Variants in VRK3 observed in about 807,000 individuals in gnomAD.
VRK3 encodes serine/threonine-protein kinase VRK3.
VRK3 carries 50 observed loss-of-function variants against 60.4 expected under a neutral mutation model. That is an observed-to-expected ratio of 0.83 (90% CI 0.66 to 1.05). VRK3 has a LOEUF of 1.05. Among genes scored for constraint, VRK3 ranks in the 50% least tolerant of loss-of-function variants. The pLI, the probability that VRK3 is intolerant of heterozygous loss-of-function variation, is 0.00. For missense variants in VRK3, 549 were observed against 585.3 expected (o/e 0.94, Z 0.64); for synonymous variants, 246 against 227.8 (o/e 1.08, Z -0.72).
At chr19:49,981,352 CCTGG>C (rs1329576362) in intron 12 of VRK3, among the ~76,000 whole-genome samples, 4 of 152,144 alleles carry the variant, frequency 2.6e-5, no homozygotes, top group Non-Finnish European at 5.9e-5. Flanking sequence ...CCGAGATCAT[CCTGG>C]CTAACACGGT....
intron 3 of VRK3, among the ~76,000 whole-genome samples, chr19:50,012,961 A>G (rs760392564): frequency 1.3e-5 from 2 of 151,828 alleles, no homozygotes; most frequent in African/African-American, 2.4e-5. Context: ...AGGTCAGGAG[A>G]TCGAGACCAT....
chr19:50,010,632 G>C (rs1331463718), intron 3 of VRK3, among the ~76,000 whole-genome samples: 1 of 152,238 alleles, frequency 6.6e-6, no homozygotes, highest in Non-Finnish European at 1.5e-5. Flanking sequence ...CTCCAAGAAG[G>C]CTGGGCGTGG....
At chr19:50,019,798 A>G (rs2122662888) in intron 2 of VRK3, among the ~76,000 whole-genome samples, 1 of 143,086 alleles carries the variant, frequency 7.0e-6, no homozygotes, top group South Asian at 2.2e-4. Context: ...TTGGCTTCCC[A>G]AAGTGCTGGG....
intron 1 of VRK3, among the ~76,000 whole-genome samples, chr19:50,024,269 T>C (rs1194341595): frequency 2.0e-5 from 3 of 152,096 alleles, no homozygotes; most frequent in Non-Finnish European, 4.4e-5. Context: ...CTATTACATA[T>C]TACAACACCG....
intron 14 of VRK3, among the ~76,000 whole-genome samples, chr19:49,977,949 C>T (rs1400518318): frequency 6.6e-6 from 1 of 152,198 alleles, no homozygotes; most frequent in African/African-American, 2.4e-5. Flanking sequence ...GCTCAGGTTT[C>T]AGCCTCAGAT....
intron 14 of VRK3, chr19:49,978,845 C>T (rs1285242815): frequency 4.9e-6 from 2 of 409,366 alleles, no homozygotes; most frequent in South Asian, 5.4e-5. Flanking sequence ...AATTTTCTAG[C>T]TACAACAGCC....
Position 49,995,298 on chromosome 19 carries a change from G to A in VRK3, c.680-23C>T, listed in dbSNP as rs9304699. On this transcript the variant is annotated intron_variant, in intron 7 of 14. Transcript: ENST00000316763. ...TGACTGCGGAAAGCAGGGGCTTGAG[G>A]TTAGAACCCACCCAGTCCCAAGCCC... 15,919 of 1,611,618 alleles carry A rather than the reference G, an allele frequency of 9.9e-3. 1,369 individuals carry two copies. In the African/African-American group the frequency reaches 0.19, roughly 19 times the overall value.
chr19:49,982,261 AACAC>A, intron 12 of VRK3: 1 of 701,416 alleles, frequency 1.4e-6, no homozygotes, highest in Non-Finnish European at 2.6e-6. Context: ...AAGCTGATAA[AACAC>A]ACGAATTATT....
intron 4 of VRK3, among the ~76,000 whole-genome samples, chr19:50,008,095 TACAG>T (rs1311848872): frequency 6.6e-6 from 1 of 152,004 alleles, no homozygotes; most frequent in Admixed American, 6.6e-5. Flanking sequence ...GACAGGGCAG[TACAG>T]ACAGATATTA....
intron 1 of VRK3, among the ~76,000 whole-genome samples, chr19:50,023,733 G>T (rs1004701264): frequency 6.8e-6 from 1 of 147,186 alleles, no homozygotes; most frequent in African/African-American, 2.6e-5. Context: ...GTGCCAAGAA[G>T]GTGGGTGGGG....
chr19:49,984,838 G>T (rs773981743), intron 12 of VRK3, among the ~76,000 whole-genome samples: 1 of 151,950 alleles, frequency 6.6e-6, no homozygotes, highest in Non-Finnish European at 1.5e-5. Flanking sequence ...TTGCCCAGGC[G>T]GGTCTCAAAC....
At chr19:49,987,423 C>G (rs1376218276) in intron 12 of VRK3, among the ~76,000 whole-genome samples, 1 of 150,526 alleles carries the variant, frequency 6.6e-6, no homozygotes, top group African/African-American at 2.5e-5. Context: ...AACCCATACC[C>G]CTAGTGCTCC....
intron 12 of VRK3, among the ~76,000 whole-genome samples, chr19:49,987,425 T>TA (rs1410672370): frequency 1.3e-5 from 2 of 150,600 alleles, no homozygotes; most frequent in African/African-American, 5.0e-5. Flanking sequence ...CCCATACCCC[T>TA]AGTGCTCCCT....
intron 5 of VRK3, among the ~76,000 whole-genome samples, chr19:50,006,500 C>T (rs1163869669): frequency 1.3e-5 from 2 of 151,702 alleles, no homozygotes; most frequent in African/African-American, 4.8e-5. Context: ...CTCAGCCTCC[C>T]AAGTAGCTGG....
chr19:50,021,960 G>C (rs528732616), intron 1 of VRK3, among the ~76,000 whole-genome samples: 11 of 152,026 alleles, frequency 7.2e-5, no homozygotes, highest in African/African-American at 2.7e-4. Flanking sequence ...ACTTGCCCAG[G>C]GCCACAAACC....
At chr19:50,007,857 C>T in intron 4 of VRK3, 31 bp from the exon 5 acceptor site, 1 of 1,613,068 alleles carries the variant, frequency 6.2e-7, no homozygotes, top group Non-Finnish European at 8.5e-7. Context: ...AAAGTAAAAG[C>T]ACCATCCAGG....
chr19:49,981,893 G>T, intron 12 of VRK3: 2 of 1,083,726 alleles, frequency 1.8e-6, no homozygotes, highest in Non-Finnish European at 2.5e-6. Context: ...TAACTGGTAG[G>T]TTCAAAGCAA....
At chr19:50,013,591 T>C (rs975837168) in intron 3 of VRK3, among the ~76,000 whole-genome samples, 5 of 152,206 alleles carry the variant, frequency 3.3e-5, no homozygotes, top group African/African-American at 9.7e-5. Flanking sequence ...GGATAAACCT[T>C]CTTTGATTTA....
intron 12 of VRK3, among the ~76,000 whole-genome samples, chr19:49,984,377 C>T (rs2076476969): frequency 6.6e-6 from 1 of 152,136 alleles, no homozygotes. Context: ...CTCTTGTGTT[C>T]TCTAGAGACC....
Sources: allele counts gnomAD v4.1 joint callset (sites outside exome capture counted in the v4.1 genomes callset), GRCh38; gene constraint gnomAD v4.1.1; transcripts MANE v1.5; gene names NCBI Gene and HGNC (gene_info 2026-07-23, HGNC 2026-07-21).